Variants in GRM7 observed in about 807,000 individuals in gnomAD.
GRM7 encodes the protein glutamate metabotropic receptor 7.
GRM7 carries 35 observed loss-of-function variants against 84.5 expected under a neutral mutation model. The ratio of observed to expected loss-of-function variants is 0.41; its 90% CI spans 0.32 to 0.55. The LOEUF (loss-of-function observed/expected upper bound fraction) is 0.55. GRM7 is among the 20% of genes least tolerant of loss of function. The pLI is 0.19. For missense variants in GRM7, 1,003 were observed against 1,194.6 expected (o/e 0.84, Z 2.36); for synonymous variants, 487 against 455.1 (o/e 1.07, Z -0.89).
intron 7 of GRM7, among the ~76,000 whole-genome samples, chr3:7,560,977 G>C (rs1559403396): frequency 6.6e-6 from 1 of 152,088 alleles, no homozygotes; most frequent in Non-Finnish European, 1.5e-5. Flanking sequence ...TGCATAGATG[G>C]CAGATAGCCC....
chr3:7,682,810 G>T (rs892995721), intron 9 of GRM7, among the ~76,000 whole-genome samples: 20 of 152,176 alleles, frequency 1.3e-4, no homozygotes, highest in Non-Finnish European at 1.6e-4. Flanking sequence ...TGACATTAAT[G>T]CTAATGCTTG....
At chr3:7,187,200 AACACAC>A (rs5846494) in intron 2 of GRM7, among the ~76,000 whole-genome samples, 1,569 of 150,644 alleles carry the variant, frequency 0.01, 16 homozygotes, top group Non-Finnish European at 0.018. Flanking sequence ...AGGAAGTGAG[AACACAC>A]ACACACACAC....
intron 2 of GRM7, among the ~76,000 whole-genome samples, chr3:7,259,953 G>GTTTTGTTTTTT (rs1553638861): frequency 1.1e-5 from 1 of 89,668 alleles, no homozygotes; most frequent in Non-Finnish European, 1.9e-5. Flanking sequence ...ACCAGCATCT[G>GTTTTGTTTTTT]TTTTTTTTTT....
At chr3:6,957,074 A>G (rs1693084667) in intron 1 of GRM7, among the ~76,000 whole-genome samples, 1 of 152,196 alleles carries the variant, frequency 6.6e-6, no homozygotes, top group Non-Finnish European at 1.5e-5. Flanking sequence ...TTAATTTTAT[A>G]TTATAGACCC....
In GRM7 at chr3:7,331,649, A is replaced by G. The variant is rs10510359; in HGVS notation, c.1033+24997A>G. ...ACATGCAGGCCTCATTATTCCACATATTTCCAGGAGCTTTTGGGAAAACCT... is the reference window on the plus strand; with the variant it reads ...ACATGCAGGCCTCATTATTCCACATGTTTCCAGGAGCTTTTGGGAAAACCT... On this transcript the variant is annotated intron_variant, in intron 4 of 9. Coordinates refer to ENST00000357716, the MANE Select transcript of GRM7 (RefSeq NM_000844.4). 2.6e-5 allele frequency among the ~76,000 whole-genome samples: 4 copies of G among 152,038 alleles called. No individual in the cohort carries two copies. The South Asian group carries it at 8.3e-4, about 32-fold the overall frequency.
At chr3:7,656,661 C>A (rs1699216841) in intron 8 of GRM7, among the ~76,000 whole-genome samples, 1 of 151,722 alleles carries the variant, frequency 6.6e-6, no homozygotes, top group Non-Finnish European at 1.5e-5. Flanking sequence ...CTGGGAACAT[C>A]AGCATTCATT....
intron 4 of GRM7, among the ~76,000 whole-genome samples, chr3:7,313,414 ATTTG>A (rs1317618308): frequency 6.6e-5 from 10 of 152,122 alleles, no homozygotes; most frequent in Non-Finnish European, 1.5e-4. Flanking sequence ...CTACATTAGT[ATTTG>A]TTCTTATGTT....
intron 2 of GRM7, among the ~76,000 whole-genome samples, chr3:7,187,294 C>T (rs963445107): frequency 9.9e-5 from 15 of 152,150 alleles, no homozygotes; most frequent in African/African-American, 3.4e-4. Flanking sequence ...TGTCATGAGA[C>T]ACAATATTCC....
At chr3:6,990,474 C>T (rs938134266) in intron 1 of GRM7, among the ~76,000 whole-genome samples, 8 of 152,070 alleles carry the variant, frequency 5.3e-5, no homozygotes, top group African/African-American at 1.9e-4. Context: ...TTTTCTTCTC[C>T]TTAGCAAATC....
At chr3:7,370,358 C>T (rs557255854) in intron 4 of GRM7, among the ~76,000 whole-genome samples, 66 of 152,174 alleles carry the variant, frequency 4.3e-4, no homozygotes, top group African/African-American at 1.5e-3. Flanking sequence ...GGAGAAAAGT[C>T]GATATGATTT....
intron 1 of GRM7, among the ~76,000 whole-genome samples, chr3:6,866,188 G>T (rs1694931967): frequency 6.6e-6 from 1 of 152,086 alleles, no homozygotes. Flanking sequence ...AATTACAAGT[G>T]CTATATTTCT....
At chr3:7,085,765 A>C (rs185788456) in intron 1 of GRM7, among the ~76,000 whole-genome samples, 2,459 of 152,146 alleles carry the variant, frequency 0.016, 67 homozygotes, top group African/African-American at 0.056. Context: ...TAGCTAGAAA[A>C]ATATGCACAC....
At chr3:7,676,198 AG>A (rs1267909658) in intron 8 of GRM7, among the ~76,000 whole-genome samples, 1 of 152,148 alleles carries the variant, frequency 6.6e-6, no homozygotes, top group Non-Finnish European at 1.5e-5. Context: ...AATTTACTAA[AG>A]AATGTACTAA....
chr3:7,392,663 G>A (rs952293179), intron 4 of GRM7, among the ~76,000 whole-genome samples: 1 of 152,206 alleles, frequency 6.6e-6, no homozygotes, highest in African/African-American at 2.4e-5. Flanking sequence ...ATGTGTAGAA[G>A]AGCCTGGTTT....
intron 1 of GRM7, among the ~76,000 whole-genome samples, chr3:7,077,089 CTG>C (rs771618043): frequency 2.0e-5 from 3 of 152,064 alleles, no homozygotes; most frequent in Non-Finnish European, 4.4e-5. Context: ...GCTGGAGAGT[CTG>C]TGGAGAAATA....
intron 3 of GRM7, among the ~76,000 whole-genome samples, chr3:7,300,416 G>T (rs1327502315): frequency 6.6e-6 from 1 of 152,284 alleles, no homozygotes; most frequent in East Asian, 1.9e-4. Context: ...TTTAAATGAG[G>T]ATTACTTGCT....
At chr3:7,130,561 A>G (rs1465508739) in intron 1 of GRM7, among the ~76,000 whole-genome samples, 4 of 39,912 alleles carry the variant, frequency 1.0e-4, no homozygotes, top group East Asian at 8.7e-4. Context: ...AAAAGAAAAG[A>G]AAAAAAAAAA....
rs35815945 is a variant in GRM7, at chr3:7,359,111, CAAA to C, written c.1033+52473_1033+52475del. 3.4e-4 allele frequency among the ~76,000 whole-genome samples: 28 copies of C among 83,074 alleles called. 1 individual carries two copies. The Admixed American group carries it at 3.5e-3, about 10-fold the overall frequency. 54.5% of individuals were successfully genotyped at this position (83,074 alleles called of 152,430 possible). On this transcript the variant is annotated intron_variant, in intron 4 of 9. Coordinates refer to ENST00000357716, the MANE Select transcript of GRM7 (RefSeq NM_000844.4). ...TGAGTGATAGAGTGAGATTCCATCT[CAAA>C]AAAAAAAAAAAAAGAAAAAAAGAAA...
intron 7 of GRM7, chr3:7,561,528 G>A (rs1360695234): frequency 2.2e-6 from 1 of 456,450 alleles, no homozygotes; most frequent in African/African-American, 2.0e-5. Flanking sequence ...GCTACAGAAT[G>A]TTGGCATGGA....
Sources: allele counts gnomAD v4.1 joint callset (sites outside exome capture counted in the v4.1 genomes callset), GRCh38; gene constraint gnomAD v4.1.1; transcripts MANE v1.5; gene names NCBI Gene and HGNC (gene_info 2026-07-23, HGNC 2026-07-21).